Variants in PRAMEF1 observed in about 807,000 individuals in gnomAD.
PRAMEF1 encodes the protein PRAME family member 1.
A neutral mutation model predicts 38.2 loss-of-function variants in PRAMEF1; 21 were observed. The ratio of observed to expected loss-of-function variants is 0.55; its 90% CI spans 0.39 to 0.79. The LOEUF is 0.79. Among genes scored for constraint, PRAMEF1 ranks in the 30% least tolerant of loss-of-function variants. PRAMEF1 has a pLI of 0.00. For synonymous variants in PRAMEF1, 200 were observed against 229.0 expected (o/e 0.87, Z 1.14); for missense variants, 497 against 565.8 (o/e 0.88, Z 1.23).
intron 1 of PRAMEF1, among the ~76,000 whole-genome samples, chr1:12,791,696 T>C (rs1264307887): frequency 1.3e-5 from 2 of 151,448 alleles, no homozygotes; most frequent in Admixed American, 6.6e-5. Flanking sequence ...CGAAGCAGGT[T>C]TTTTAAAAAT....
Position 12,793,975 on chromosome 1 carries a change from G to A in PRAMEF1, c.348G>A (p.Trp116Ter). The A allele has an allele frequency of 6.2e-7, 1 of 1,608,702 alleles. No individual in the cohort carries two copies. Among genetic ancestry groups the A allele is most frequent in the Non-Finnish European group, 8.5e-7 (1 of 1,178,228 alleles). The change falls in exon 3 of 4, where the codon TGG (tryptophan) becomes TGA (stop). Residue 116 changes from tryptophan to a stop codon, truncating the protein, a stop_gained. Coordinates refer to ENST00000332296, the MANE Select transcript of PRAMEF1 (RefSeq NM_023013.4). LOFTEE classifies it high-confidence loss of function. ...TTGACGAGAATTTCTGGGCCAGATG[G>A]CCTGGAGCCTGGGCCCTGTCCTGCT... is the stretch of plus-strand genomic sequence containing the variant. ...RDVDENFWAR[W>*]PGAWALSCFP...
chr1:12,793,877 C>T, intron 2 of PRAMEF1, 38 bp from the exon 3 acceptor site: 2 of 1,596,326 alleles, frequency 1.3e-6, no homozygotes, highest in Non-Finnish European at 1.7e-6. Context: ...GGGATGAGTC[C>T]TTCTAAATTC....
rs1412360431 is a variant in PRAMEF1 at position 12,795,358 on chromosome 1, C to T, written c.867-80C>T. ...TGGGAACAAACTTGTGTTTGTTTGA[C>T]GCAGGCATTTTCCTAGATGAAGGCA... On this transcript the variant is annotated intron_variant, in intron 3 of 3. Transcript: ENST00000332296. The T allele has an allele frequency of 5.0e-5, 74 of 1,480,440 alleles. 1 individual carries two copies. The South Asian group carries it at 6.4e-4, about 13-fold the overall frequency. The allele number at this position is 1,480,440 out of a possible 1,614,324, so 91.7% of individuals were successfully genotyped here. A position where few individuals can be genotyped will look rare whatever the true frequency, so the allele number is the denominator to read the frequency against.
rs1038275394 is a variant in PRAMEF1 at position 12,791,435 on chromosome 1, C to G, written c.-65C>G. ...ATTCCTGGAGCTACTGGTTGGTTTC[C>G]TGAGAGGTCCCAGAACTCTGCGAAG... is the stretch of plus-strand genomic sequence containing the variant. On this transcript the variant is annotated 5_prime_UTR_variant, in exon 1 of 4. Transcript: ENST00000332296. 10 of 144,980 alleles carry G rather than the reference C, an allele frequency of 6.9e-5. No homozygotes were observed. Among genetic ancestry groups the G allele is most frequent in the African/African-American group, 2.2e-4 (9 of 40,742 alleles). The allele number at this position is 144,980 out of a possible 1,614,324, so 9.0% of individuals were successfully genotyped here.
intron 1 of PRAMEF1, among the ~76,000 whole-genome samples, chr1:12,792,686 T>C (rs1297779405): frequency 6.6e-6 from 1 of 151,296 alleles, no homozygotes; most frequent in African/African-American, 2.4e-5. Context: ...AAATGATTCT[T>C]AATTTTTTTA....
rs753741168 is a variant in PRAMEF1, at chr1:12,794,227, A to C, written c.600A>C (p.Lys200Asn). The C allele has an allele frequency of 3.7e-6, 6 of 1,611,516 alleles. No homozygotes were observed. The African/African-American group carries it at 8.0e-5, about 22-fold the overall frequency. ...TPIKYLRKSL[K>N]IIYLNSIQEL... is the part of the protein sequence containing the mutation. ...TTAAATATCTCAGAAAGTCATTGAAAATAATATACCTGAATAGTATTCAAG... is the reference window on the plus strand; with the variant it reads ...TTAAATATCTCAGAAAGTCATTGAACATAATATACCTGAATAGTATTCAAG... The change falls in exon 3 of 4, where the codon AAA (lysine) becomes AAC (asparagine). Residue 200 changes from lysine (K) to asparagine (N), a missense_variant. Lys to Asn is a moderately conservative substitution (Grantham distance 94, BLOSUM62 0). Coordinates refer to ENST00000332296, the MANE Select transcript of PRAMEF1 (RefSeq NM_023013.4).
At chr1:12,794,877 C>T (rs1444592540) in intron 3 of PRAMEF1, 46 of 1,331,606 alleles carry the variant, frequency 3.5e-5, no homozygotes, top group Non-Finnish European at 3.8e-5. Flanking sequence ...GTCCATTTCA[C>T]AATAGAACGT....
chr1:12,794,536 C>T (rs374620144), intron 3 of PRAMEF1, 43 bp downstream of exon 3: 1 of 1,604,090 alleles, frequency 6.2e-7, no homozygotes, highest in Non-Finnish European at 8.5e-7. Flanking sequence ...CACAGCATAG[C>T]CTTGTTCTGT....
In PRAMEF1 at chr1:12,793,477, G is replaced by T. The variant is rs138250856; in HGVS notation, c.250G>T (p.Gly84Trp). Residue 84 changes from glycine to tryptophan, a missense_variant, in exon 2 of 4, where the codon GGG (glycine) becomes TGG (tryptophan). Physicochemically the swap from Gly to Trp is radical, Grantham distance 184 (BLOSUM62 -2). Coordinates refer to ENST00000332296, the MANE Select transcript of PRAMEF1 (RefSeq NM_023013.4). ...HLETLKALLE[G>W]LHMLLTQKDR... ...GGAGACCTTAAAAGCATTGCTGGAAGGGCTTCATATGCTGCTTACACAGAA... is the reference window on the plus strand; with the variant it reads ...GGAGACCTTAAAAGCATTGCTGGAATGGCTTCATATGCTGCTTACACAGAA... 6.0e-4 allele frequency: 973 copies of T among 1,609,232 alleles called. 35 individuals carry two copies. The highest frequency in any genetic ancestry group is 7.8e-4 in the Non-Finnish European group (921 of 1,177,814).
rs74055642 is a variant in PRAMEF1 at position 12,791,425 on chromosome 1, G to T, written c.-75G>T. On this transcript the variant is annotated 5_prime_UTR_variant, in exon 1 of 4. Transcript: ENST00000332296. ...CACAGCACTCATTCCTGGAGCTACT[G>T]GTTGGTTTCCTGAGAGGTCCCAGAA... 1 of 142,090 alleles carries T rather than the reference G, an allele frequency of 7.0e-6. No homozygotes were observed. Among genetic ancestry groups the T allele is most frequent in the African/African-American group, 2.5e-5 (1 of 40,494 alleles). 8.8% of individuals were successfully genotyped at this position (142,090 alleles called of 1,614,324 possible).
chr1:12,793,753 G>GGGAATCAAAAGTC (rs1370530105), intron 2 of PRAMEF1, among the ~76,000 whole-genome samples, 162 bp from the exon 3 acceptor site: 1 of 151,300 alleles, frequency 6.6e-6, no homozygotes, highest in African/African-American at 2.4e-5. Flanking sequence ...AATAGAAGTG[G>GGGAATCAAAAGTC]GGAATCAAAA....
rs756704043 is a variant in PRAMEF1 at position 12,795,567 on chromosome 1, G to C, written c.996G>C (p.Leu332=). The part of the protein sequence containing the change: ...LKHLNLSYVL[L]FRISLEPLGA... Reference sequence around the variant, plus strand: ...ATCTGAATCTCAGCTACGTGCTGCTGTTCCGCATCAGTCTTGAACCCCTCG... The same window carrying C: ...ATCTGAATCTCAGCTACGTGCTGCTCTTCCGCATCAGTCTTGAACCCCTCG... Residue 332 remains leucine (L), a synonymous_variant, in exon 4 of 4, where the codon CTG becomes CTC. Transcript: ENST00000332296. 77 of 1,612,292 alleles carry C rather than the reference G, an allele frequency of 4.8e-5. No homozygotes were observed. Among genetic ancestry groups the C allele is most frequent in the Admixed American group, 5.0e-5 (3 of 59,874 alleles).
Position 12,796,088 on chromosome 1 carries a change from T to C in PRAMEF1, c.*92T>C. 7.5e-7 allele frequency: 1 copy of C among 1,332,134 alleles called. No homozygotes were observed. Among genetic ancestry groups the C allele is most frequent in the East Asian group, 2.6e-5 (1 of 39,186 alleles). The allele number at this position is 1,332,134 out of a possible 1,614,324, so 82.5% of individuals were successfully genotyped here. On this transcript the variant is annotated 3_prime_UTR_variant, in exon 4 of 4. Transcript: ENST00000332296. ...ACTATGTGGGTGCAAACTATTTTTCTCTTTTCTTATTTATTTCATTTTTTA... is the reference window on the plus strand; with the variant it reads ...ACTATGTGGGTGCAAACTATTTTTCCCTTTTCTTATTTATTTCATTTTTTA...
Position 12,794,602 on chromosome 1 carries a change from G to T in PRAMEF1, c.866+109G>T. The T allele has an allele frequency of 2.0e-6, 3 of 1,537,792 alleles. 1 individual carries two copies. Among genetic ancestry groups the T allele is most frequent in the Non-Finnish European group, 2.7e-6 (3 of 1,129,164 alleles). On this transcript the variant is annotated intron_variant, in intron 3 of 3. Transcript: ENST00000332296. ...TGCCAGCCAGTGGCAACGTCACAGTGAAGGGGACATCAGAATGTCAACACA... is the reference window on the plus strand; with the variant it reads ...TGCCAGCCAGTGGCAACGTCACAGTTAAGGGGACATCAGAATGTCAACACA...
chr1:12,796,497 T>C lies in PRAMEF1; in HGVS notation c.*501T>C, dbSNP rs1736771. On this transcript the variant is annotated 3_prime_UTR_variant, in exon 4 of 4. Transcript: ENST00000332296. ...CACCTGAATGAAAACTTTTAACCTG[T>C]TGTGCAATTTATCCATCAGAAATCT... 1,578 of 158,912 alleles carry C rather than the reference T, an allele frequency of 9.9e-3. 66 individuals carry two copies. Among genetic ancestry groups the C allele is most frequent in the Non-Finnish European group, 0.018 (1,283 of 71,932 alleles). 9.8% of individuals were successfully genotyped at this position (158,912 alleles called of 1,614,324 possible).
At chr1:12,793,026 G>A (rs780285113) in intron 1 of PRAMEF1, among the ~76,000 whole-genome samples, 177 bp from the exon 2 acceptor site, 9 of 151,030 alleles carry the variant, frequency 6.0e-5, no homozygotes, top group African/African-American at 2.2e-4. Flanking sequence ...AGGATCCTCA[G>A]TGGCACTGTC....
In PRAMEF1 at chr1:12,793,907, A is replaced by T. The variant is rs532793985; in HGVS notation, c.288-8A>T. On this transcript the variant is annotated splice_polypyrimidine_tract_variant and splice_region_variant and intron_variant, in intron 2 of 3. Coordinates refer to ENST00000332296, the MANE Select transcript of PRAMEF1 (RefSeq NM_023013.4). Reference sequence around the variant, plus strand: ...AAATTCTGAGTCTCTCCCTTACTTTACCCACAGGAGGTGGAAACTTCAAGT... The same window carrying T: ...AAATTCTGAGTCTCTCCCTTACTTTTCCCACAGGAGGTGGAAACTTCAAGT... 1 of 1,608,488 alleles carries T rather than the reference A, an allele frequency of 6.2e-7. No homozygotes were observed. Among genetic ancestry groups the T allele is most frequent in the African/African-American group, 1.3e-5 (1 of 74,720 alleles).
At chr1:12,792,942 A>G (rs1246858565) in intron 1 of PRAMEF1, among the ~76,000 whole-genome samples, 4 of 150,946 alleles carry the variant, frequency 2.6e-5, no homozygotes. Flanking sequence ...GGGCCACAGG[A>G]CACTCTCATT....
chr1:12,792,269 A>C lies in PRAMEF1; in HGVS notation c.-26+795A>C, dbSNP rs1157358419. ...ACTCCTGACCTCAGGAGATCTGCCC[A>C]CCTCAGACTCCCAAAGTGCTGGGAT... On this transcript the variant is annotated intron_variant, in intron 1 of 3. Transcript: ENST00000332296. Among the ~76,000 whole-genome samples the C allele has an allele frequency of 1.3e-4, 19 of 151,388 alleles. 1 individual carries two copies. The highest frequency in any genetic ancestry group is 4.2e-4 in the South Asian group (2 of 4,716).
Sources: allele counts gnomAD v4.1 joint callset (sites outside exome capture counted in the v4.1 genomes callset), GRCh38; gene constraint gnomAD v4.1.1; transcripts MANE v1.5; gene names NCBI Gene and HGNC (gene_info 2026-07-23, HGNC 2026-07-21).